XIRP2: variants seen among roughly 807,000 people sequenced by gnomAD.
XIRP2 encodes the protein xin actin binding repeat containing 2.
XIRP2 carries 236 observed loss-of-function variants against 277.0 expected under a neutral mutation model. That is an observed-to-expected ratio of 0.85 (90% CI 0.77 to 0.95). The LOEUF (loss-of-function observed/expected upper bound fraction) is 0.95, where lower values mean the gene tolerates loss of function less well. Among genes scored for constraint, XIRP2 ranks in the 40% least tolerant of loss-of-function variants. The pLI is 0.00. For missense variants in XIRP2, 4,640 were observed against 4,157.5 expected, an observed-to-expected ratio of 1.12 and a Z score of -3.19; for synonymous variants, 1,490 against 1,416.5, an observed-to-expected ratio of 1.05 and a Z score of -1.17.
chr2:167,245,361 A>G lies in XIRP2; in HGVS notation c.3969A>G (p.Ala1323=). The G allele has an allele frequency of 1.2e-6, 2 of 1,613,806 alleles. No homozygotes were observed. Among genetic ancestry groups the G allele is most frequent in the Non-Finnish European group, 1.7e-6 (2 of 1,179,768 alleles). Residue 1323 remains alanine (A), a synonymous_variant, in exon 9 of 11, where the codon GCA becomes GCG. Coordinates refer to ENST00000409195, the MANE Select transcript of XIRP2 (RefSeq NM_152381.6). The stretch of plus-strand genomic sequence containing the variant: ...TCTTTGAAACCCAGCCACTCTATGC[A>G]ATTCAAGACCGAGAAGGGTCCTATC... ...RMLFETQPLY[A]IQDREGSYHE... is the part of the protein sequence containing the mutation.
At chr2:166,964,986 A>G (rs1289138714) in intron 2 of XIRP2, among the ~76,000 whole-genome samples, 1 of 151,866 alleles carries the variant, frequency 6.6e-6, no homozygotes, top group Non-Finnish European at 1.5e-5. Flanking sequence ...TTTAAGAGAC[A>G]TGGTATGTCA....
Position 167,248,173 on chromosome 2 carries a change from A to T in XIRP2, c.6781A>T (p.Thr2261Ser). The T allele has an allele frequency of 6.2e-7, 1 of 1,613,744 alleles. No individual in the cohort carries two copies. The highest frequency in any genetic ancestry group is 8.5e-7 in the Non-Finnish European group (1 of 1,179,814). The stretch of plus-strand genomic sequence containing the variant: ...CTTTCTAATGAAAACAAATACTTCC[A>T]CAGGCTTAAAAATGGCAATGGAAAG... ...QDFLMKTNTS[T>S]GLKMAMERSL... The change falls in exon 9 of 11, where the codon ACA becomes TCA. Residue 2261 changes from threonine to serine, a missense_variant. Physicochemically the swap from Thr to Ser is moderately conservative, Grantham distance 58. Transcript: ENST00000409195.
chr2:167,247,316 G>T lies in XIRP2; in HGVS notation c.5924G>T (p.Ser1975Ile). 5.0e-6 allele frequency: 8 copies of T among 1,613,732 alleles called. No individual in the cohort carries two copies. The highest frequency in any genetic ancestry group is 6.8e-6 in the Non-Finnish European group (8 of 1,179,830). The change falls in exon 9 of 11, where the codon AGT (serine) becomes ATT (isoleucine). Residue 1975 changes from serine to isoleucine, a missense_variant. Physicochemically the swap from Ser to Ile is moderately radical, Grantham distance 142. Coordinates refer to ENST00000409195, the MANE Select transcript of XIRP2 (RefSeq NM_152381.6). Reference sequence around the variant, plus strand: ...GTTGCTGTCCAGAGGAACAAAAATAGTCTTCTTCAGCCAAAGCCAGGTCCA... The same window carrying T: ...GTTGCTGTCCAGAGGAACAAAAATATTCTTCTTCAGCCAAAGCCAGGTCCA... ...HQVAVQRNKN[S>I]LLQPKPGPFE...
chr2:167,080,515 T>G (rs989551759), intron 2 of XIRP2, among the ~76,000 whole-genome samples: 1 of 152,142 alleles, frequency 6.6e-6, no homozygotes, highest in Non-Finnish European at 1.5e-5. Context: ...AAAAGGAGCC[T>G]TAGTATTGTA....
At position 167,249,915 on chromosome 2, in the gene XIRP2, C is replaced by T. The variant is rs762559338; in HGVS notation, c.8523C>T (p.His2841=). The T allele has an allele frequency of 3.7e-6, 6 of 1,613,340 alleles. No homozygotes were observed. Among genetic ancestry groups the T allele is most frequent in the Middle Eastern group, 3.3e-4 (2 of 6,060 alleles). Residue 2841 remains histidine (H), a synonymous_variant, in exon 9 of 11, where the codon CAC becomes CAT. Coordinates refer to ENST00000409195, the MANE Select transcript of XIRP2 (RefSeq NM_152381.6). The part of the protein sequence containing the change: ...KEERLITERK[H]EHLKNKSAPK... ...AGAGATTAATAACTGAAAGAAAACA[C>T]GAACATCTGAAGAATAAATCAGCAC...
chr2:166,932,858 A>C (rs528343415), intron 2 of XIRP2, among the ~76,000 whole-genome samples: 1 of 152,198 alleles, frequency 6.6e-6, no homozygotes, highest in Admixed American at 6.5e-5. Context: ...TTACCTCTAT[A>C]TCTGGATCTA....
chr2:166,943,793 T>C (rs148738917), intron 2 of XIRP2, among the ~76,000 whole-genome samples: 192 of 152,330 alleles, frequency 1.3e-3, no homozygotes, highest in African/African-American at 4.2e-3. Context: ...CACCAGTTGT[T>C]CCCCCAAGAG....
intron 3 of XIRP2, among the ~76,000 whole-genome samples, chr2:167,150,827 G>T (rs1370777810): frequency 6.6e-6 from 1 of 152,002 alleles, no homozygotes; most frequent in African/African-American, 2.4e-5. Flanking sequence ...TTTAAATTTT[G>T]TATTGCAATA....
intron 2 of XIRP2, 56 bp downstream of exon 2, chr2:166,903,946 A>G: frequency 6.5e-7 from 1 of 1,545,884 alleles, no homozygotes; most frequent in Admixed American, 1.9e-5. Context: ...TGCCTAGCCT[A>G]CCATTTATTA....
chr2:167,040,876 G>A (rs1332719996), intron 2 of XIRP2, among the ~76,000 whole-genome samples: 1 of 152,162 alleles, frequency 6.6e-6, no homozygotes, highest in East Asian at 1.9e-4. Context: ...GCACCAACCT[G>A]CAGCCTCCCC....
chr2:166,894,629 G>T (rs964701928), intron 1 of XIRP2, among the ~76,000 whole-genome samples: 5 of 152,034 alleles, frequency 3.3e-5, no homozygotes, highest in Admixed American at 3.3e-4. Flanking sequence ...TACATATGAT[G>T]GGTTATAGTG....
intron 3 of XIRP2, among the ~76,000 whole-genome samples, chr2:167,176,583 A>G (rs757165703): frequency 2.0e-5 from 3 of 152,140 alleles, no homozygotes; most frequent in Non-Finnish European, 2.9e-5. Context: ...TTGGGGCTTC[A>G]TGATTTTTTA....
chr2:167,105,259 C>T (rs1690587659), intron 2 of XIRP2, among the ~76,000 whole-genome samples: 1 of 151,922 alleles, frequency 6.6e-6, no homozygotes. Flanking sequence ...ATACATATTT[C>T]CATCACCACA....
rs537377051 is a variant in XIRP2, at chr2:167,173,066, G to A, written c.562+37004G>A. ...ATGGCTTCAGCCGGTCCCTCCATCC[G>A]GGGTCCCTGACTTCCTTCAACAGTG... On this transcript the variant is annotated intron_variant, in intron 3 of 10. Transcript: ENST00000409195. Among the ~76,000 whole-genome samples the A allele has an allele frequency of 6.6e-5, 10 of 152,210 alleles. No homozygotes were observed. The East Asian group carries it at 7.7e-4, about 12-fold the overall frequency.
At chr2:166,896,872 T>A (rs1684257384) in intron 1 of XIRP2, among the ~76,000 whole-genome samples, 1 of 152,158 alleles carries the variant, frequency 6.6e-6, no homozygotes, top group Admixed American at 6.5e-5. Flanking sequence ...ACTATATTTT[T>A]ACTGTACCTT....
intron 2 of XIRP2, among the ~76,000 whole-genome samples, chr2:166,975,277 CA>C (rs1686680747): frequency 6.6e-6 from 1 of 152,042 alleles, no homozygotes; most frequent in South Asian, 2.1e-4. Flanking sequence ...AAAGATTAAA[CA>C]ACACTGCTGA....
intron 5 of XIRP2, among the ~76,000 whole-genome samples, chr2:167,219,950 A>T (rs1694374268): frequency 6.6e-6 from 1 of 152,242 alleles, no homozygotes. Context: ...GGCCTAAACC[A>T]AAAGAAATAT....
chr2:167,239,859 C>T lies in XIRP2; in HGVS notation c.863C>T (p.Ala288Val), dbSNP rs1198043594. 1 of 1,605,404 alleles carries T rather than the reference C, an allele frequency of 6.2e-7. No homozygotes were observed. Among genetic ancestry groups the T allele is most frequent in the African/African-American group, 1.3e-5 (1 of 74,226 alleles). Residue 288 changes from alanine (A) to valine (V), a missense_variant, in exon 6 of 11, where the codon GCA becomes GTA. Coordinates refer to ENST00000409195, the MANE Select transcript of XIRP2 (RefSeq NM_152381.6). ...TGTCTGTCTGTGTGCTTTCAGGAGG[C>T]AATTCATAGCAGCCAGGTTGGCACT... is the stretch of plus-strand genomic sequence containing the variant. ...YQHQNRSEQE[A>V]IHSSQVGTSR...
At chr2:167,147,823 A>G (rs1691901674) in intron 3 of XIRP2, among the ~76,000 whole-genome samples, 1 of 152,198 alleles carries the variant, frequency 6.6e-6, no homozygotes, top group African/African-American at 2.4e-5. Flanking sequence ...TCTAGTGAAT[A>G]AGTGACCTAA....
Sources: allele counts gnomAD v4.1 joint callset (sites outside exome capture counted in the v4.1 genomes callset), GRCh38; gene constraint gnomAD v4.1.1; transcripts MANE v1.5; gene names NCBI Gene and HGNC (gene_info 2026-07-23, HGNC 2026-07-21).